LAMA3: variants seen among roughly 807,000 people sequenced by gnomAD.
The protein encoded by LAMA3 is laminin subunit alpha 3, also known as laminin subunit alpha-3.
A neutral mutation model predicts 402.0 loss-of-function variants in LAMA3; 281 were observed. That is an observed-to-expected ratio of 0.70 (90% CI 0.63 to 0.77). The LOEUF is 0.77. LAMA3 is among the 30% of genes least tolerant of loss of function. The pLI is 0.00. For missense variants in LAMA3, 3,840 were observed against 4,215.5 expected, an observed-to-expected ratio of 0.91 and a Z score of 2.47; for synonymous variants, 1,431 against 1,558.4, an observed-to-expected ratio of 0.92 and a Z score of 1.93.
chr18:23,899,118 T>A, intron 46 of LAMA3, 53 bp downstream of exon 46: 1 of 1,390,638 alleles, frequency 7.2e-7, no homozygotes, highest in Non-Finnish European at 1.0e-6. Flanking sequence ...ATAACCTTCA[T>A]TGTACACTAA....
chr18:23,732,993 T>C (rs957393879), intron 2 of LAMA3, among the ~76,000 whole-genome samples: 2 of 152,100 alleles, frequency 1.3e-5, no homozygotes, highest in Non-Finnish European at 2.9e-5. Context: ...TACTTGCTAC[T>C]GCAATCACCT....
chr18:23,927,876 T>C (rs1181918566), intron 62 of LAMA3, among the ~76,000 whole-genome samples: 4 of 152,244 alleles, frequency 2.6e-5, no homozygotes, highest in African/African-American at 9.6e-5. Flanking sequence ...TTGCGGCCAC[T>C]GGCCATTCTT....
chr18:23,806,977 C>T (rs545339753), intron 12 of LAMA3, among the ~76,000 whole-genome samples: 1 of 152,284 alleles, frequency 6.6e-6, no homozygotes, highest in Admixed American at 6.5e-5. Context: ...TTATCAAATA[C>T]GTGGTCACCC....
chr18:23,872,387 A>G (rs2064552675), intron 38 of LAMA3, among the ~76,000 whole-genome samples: 1 of 152,146 alleles, frequency 6.6e-6, no homozygotes, highest in Non-Finnish European at 1.5e-5. Context: ...CTCTGGCTAT[A>G]AGTATGTCTT....
chr18:23,903,796 G>A, intron 49 of LAMA3, 137 bp from the exon 50 acceptor site: 2 of 736,846 alleles, frequency 2.7e-6, no homozygotes, highest in Admixed American at 2.1e-5. Flanking sequence ...AGGATTAACT[G>A]GTATGGTAAA....
intron 2 of LAMA3, among the ~76,000 whole-genome samples, chr18:23,722,454 T>C (rs1328080346): frequency 6.6e-6 from 1 of 152,224 alleles, no homozygotes; most frequent in African/African-American, 2.4e-5. Flanking sequence ...TCCACTAAGA[T>C]GGAATTAAAT....
At position 23,907,929 on chromosome 18, in the gene LAMA3, A is replaced by T; in HGVS notation, c.7009A>T (p.Asn2337Tyr). The T allele has an allele frequency of 6.2e-7, 1 of 1,613,766 alleles. No homozygotes were observed. ...CAAAAAGGCTCTGACTGATGCAGATAACTCGGGTATCAGGCGATCTCTGGC... is the reference window on the plus strand; with the variant it reads ...CAAAAAGGCTCTGACTGATGCAGATTACTCGGGTATCAGGCGATCTCTGGC... The part of the protein sequence containing the change: ...DFKKALTDAD[N>Y]SVNKLTNKLP... Residue 2337 changes from asparagine (N) to tyrosine (Y), a missense_variant, in exon 54 of 75, where the codon AAC becomes TAC. By Grantham distance (143) the Asn-to-Tyr change is moderately radical. This residue lies in a region of LAMA3 where 891 missense variants were observed against 857.5 expected (regional missense o/e 1.04). Transcript: ENST00000313654.
At chr18:23,938,334 C>T (rs992974862) in intron 67 of LAMA3, among the ~76,000 whole-genome samples, 2 of 152,174 alleles carry the variant, frequency 1.3e-5, no homozygotes, top group African/African-American at 4.8e-5. Context: ...GGGAAAAGCG[C>T]ATGGGCATTT....
chr18:23,951,042 T>C (rs1010618589), intron 72 of LAMA3, among the ~76,000 whole-genome samples: 2 of 152,236 alleles, frequency 1.3e-5, no homozygotes, highest in East Asian at 1.9e-4. Flanking sequence ...TCTAGCTACA[T>C]GCAAATTAAA....
intron 44 of LAMA3, among the ~76,000 whole-genome samples, chr18:23,897,613 T>A (rs1325021784): frequency 6.6e-6 from 1 of 152,208 alleles, no homozygotes; most frequent in Non-Finnish European, 1.5e-5. Context: ...ATGGTGGTTC[T>A]GGAAGAATTC....
At chr18:23,892,355 C>G (rs778193646) in intron 42 of LAMA3, among the ~76,000 whole-genome samples, 1 of 152,004 alleles carries the variant, frequency 6.6e-6, no homozygotes. Flanking sequence ...CTTGCTTATT[C>G]CTGTTAGAGT....
At chr18:23,697,277 A>G (rs545493360) in intron 1 of LAMA3, among the ~76,000 whole-genome samples, 2 of 152,298 alleles carry the variant, frequency 1.3e-5, no homozygotes, top group Non-Finnish European at 2.9e-5. Context: ...TTGCAATTAC[A>G]AGGCTTTACT....
intron 12 of LAMA3, among the ~76,000 whole-genome samples, chr18:23,810,136 C>T (rs919408601): frequency 2.0e-5 from 3 of 152,200 alleles, no homozygotes; most frequent in Non-Finnish European, 4.4e-5. Flanking sequence ...ATGCAATCCT[C>T]ACAACAAGTT....
intron 12 of LAMA3, among the ~76,000 whole-genome samples, chr18:23,800,937 G>A (rs1290661466): frequency 6.6e-6 from 1 of 152,012 alleles, no homozygotes; most frequent in Non-Finnish European, 1.5e-5. Flanking sequence ...CTGTTGATGG[G>A]CATTTAGGTT....
rs1016582326 is a variant in LAMA3, at chr18:23,751,150, A to C, written c.855+62A>C. The C allele has an allele frequency of 2.0e-6, 3 of 1,533,804 alleles. No individual in the cohort carries two copies. In the African/African-American group the frequency reaches 4.1e-5, roughly 21 times the overall value. On this transcript the variant is annotated intron_variant, in intron 5 of 74. Transcript: ENST00000313654. ...ATTCATTTTTTTGGCTTACCAAATT[A>C]ATTGCCTTGAACTCTTTTAAGTAAC... is the stretch of plus-strand genomic sequence containing the variant.
At chr18:23,952,267 G>T (rs1292639168) in intron 73 of LAMA3, among the ~76,000 whole-genome samples, 1 of 152,202 alleles carries the variant, frequency 6.6e-6, no homozygotes. Context: ...TATTAGCCCA[G>T]TGTCTGATAT....
chr18:23,815,829 T>C (rs373289156), intron 17 of LAMA3, among the ~76,000 whole-genome samples: 3 of 152,300 alleles, frequency 2.0e-5, no homozygotes, highest in African/African-American at 7.2e-5. Context: ...GGAGGGCATC[T>C]GTTAGTTTTA....
At chr18:23,861,075 A>G (rs1392874505) in intron 34 of LAMA3, among the ~76,000 whole-genome samples, 1 of 152,100 alleles carries the variant, frequency 6.6e-6, no homozygotes, top group Non-Finnish European at 1.5e-5. Context: ...GTAGCTAGTA[A>G]TTGGAAAAAA....
chr18:23,821,434 C>A (rs925570625), intron 19 of LAMA3, among the ~76,000 whole-genome samples: 1 of 152,222 alleles, frequency 6.6e-6, no homozygotes, highest in African/African-American at 2.4e-5. Flanking sequence ...AAAATATCCC[C>A]TTCCTTTTAA....
Sources: allele counts gnomAD v4.1 joint callset (sites outside exome capture counted in the v4.1 genomes callset), GRCh38; gene constraint gnomAD v4.1.1; regional missense constraint gnomAD v4.1.1; transcripts MANE v1.5; gene names NCBI Gene and HGNC (gene_info 2026-07-23, HGNC 2026-07-21).